The following OPCML variants were observed in gnomAD, a reference collection of about 807,000 sequenced individuals.
OPCML encodes the protein opioid binding protein/cell adhesion molecule like.
OPCML carries 13 observed loss-of-function variants against 37.8 expected under a neutral mutation model. The ratio of observed to expected loss-of-function variants is 0.34; its 90% CI spans 0.22 to 0.55. The LOEUF is 0.55. Among genes scored for constraint, OPCML ranks in the 20% least tolerant of loss-of-function variants. The pLI is 0.91. For synonymous variants in OPCML, 176 were observed against 168.8 expected (o/e 1.04, Z -0.33); for missense variants, 341 against 435.6 (o/e 0.78, Z 1.93).
intron 1 of OPCML, among the ~76,000 whole-genome samples, chr11:133,384,965 A>T (rs554564164): frequency 6.6e-6 from 1 of 152,246 alleles, no homozygotes; most frequent in South Asian, 2.1e-4. Context: ...GAGGCCGGCC[A>T]GATCCCAGGG....
At chr11:133,504,831 G>A (rs1292623397) in intron 1 of OPCML, among the ~76,000 whole-genome samples, 12 of 152,182 alleles carry the variant, frequency 7.9e-5, no homozygotes, top group African/African-American at 2.9e-4. Flanking sequence ...GCGCCACCAT[G>A]GAGACAAAAT....
In OPCML at chr11:132,943,207, C is replaced by T. The variant is rs1945646066; in HGVS notation, c.62-197G>A. ...GGAGGAGGGAAGGGGCAGAGTTCGCCAGGAGCAGGGGGAAGGAGAAGAGAG... is the reference window on the plus strand; with the variant it reads ...GGAGGAGGGAAGGGGCAGAGTTCGCTAGGAGCAGGGGGAAGGAGAAGAGAG... On this transcript the variant is annotated intron_variant, in intron 1 of 7. Transcript: ENST00000524381. The surrounding 1 kb of genome is among the most constrained non-coding windows in gnomAD (Gnocchi z 4.3). 1 of 1,508,074 alleles carries T rather than the reference C, an allele frequency of 6.6e-7. No individual in the cohort carries two copies. The highest frequency in any genetic ancestry group is 1.9e-5 in the Admixed American group (1 of 53,244). The allele number at this position is 1,508,074 out of a possible 1,614,324, so 93.4% of individuals were successfully genotyped here. A position where few individuals can be genotyped will look rare whatever the true frequency, so the allele number is the denominator to read the frequency against.
chr11:133,346,868 G>A (rs1944014455), intron 1 of OPCML, among the ~76,000 whole-genome samples: 1 of 152,130 alleles, frequency 6.6e-6, no homozygotes, highest in African/African-American at 2.4e-5. Context: ...TGTTGTTTCT[G>A]TGTGAGTTTT....
At chr11:132,753,901 T>C (rs1945936110) in intron 2 of OPCML, among the ~76,000 whole-genome samples, 1 of 152,228 alleles carries the variant, frequency 6.6e-6, no homozygotes, top group Admixed American at 6.5e-5. Context: ...TGGGATCTGT[T>C]ACCATCATGC....
At chr11:132,787,114 G>A (rs947704752) in intron 2 of OPCML, among the ~76,000 whole-genome samples, 2 of 152,138 alleles carry the variant, frequency 1.3e-5, no homozygotes, top group Admixed American at 6.5e-5. Flanking sequence ...TGATGCTGCC[G>A]GTTTGAGAAC....
chr11:133,351,821 C>A (rs575566476), intron 1 of OPCML, among the ~76,000 whole-genome samples: 6 of 152,120 alleles, frequency 3.9e-5, no homozygotes, highest in African/African-American at 1.4e-4. Flanking sequence ...CCATACCCCC[C>A]ACACAAACAA....
intron 1 of OPCML, among the ~76,000 whole-genome samples, chr11:133,493,457 T>A (rs1049920292): frequency 6.6e-6 from 1 of 152,094 alleles, no homozygotes; most frequent in Admixed American, 6.5e-5. Flanking sequence ...ACATGCATAC[T>A]TTTTTTTACA....
chr11:133,135,575 CT>C (rs1443624423), intron 1 of OPCML, among the ~76,000 whole-genome samples: 1 of 151,832 alleles, frequency 6.6e-6, no homozygotes, highest in Non-Finnish European at 1.5e-5. Context: ...GACCAACAAT[CT>C]CCCATAGATA....
intron 2 of OPCML, among the ~76,000 whole-genome samples, chr11:132,716,367 T>C (rs1018902534): frequency 2.0e-5 from 3 of 151,194 alleles, no homozygotes; most frequent in Non-Finnish European, 4.4e-5. Context: ...ATCTATCTGT[T>C]GTCTGTCTGT....
intron 4 of OPCML, among the ~76,000 whole-genome samples, chr11:132,519,887 C>T (rs948311571): frequency 2.6e-5 from 4 of 152,182 alleles, no homozygotes; most frequent in Non-Finnish European, 4.4e-5. Context: ...GATGATGCAG[C>T]AGGTCAACTA....
intron 1 of OPCML, among the ~76,000 whole-genome samples, chr11:133,244,701 ACTCT>A (rs34434286): frequency 6.6e-6 from 1 of 150,998 alleles, no homozygotes; most frequent in Non-Finnish European, 1.5e-5. Flanking sequence ...TTGCTCACTC[ACTCT>A]CTCTCTCCTG....
At chr11:133,479,617 C>A (rs1947330522) in intron 1 of OPCML, among the ~76,000 whole-genome samples, 1 of 152,190 alleles carries the variant, frequency 6.6e-6, no homozygotes, top group Non-Finnish European at 1.5e-5. Flanking sequence ...AGGAATCCTA[C>A]AGTGACTCAG....
intron 1 of OPCML, among the ~76,000 whole-genome samples, chr11:133,428,658 A>G (rs1053998519): frequency 2.0e-5 from 3 of 152,212 alleles, no homozygotes; most frequent in East Asian, 3.8e-4. Flanking sequence ...AAAATATACA[A>G]TCACAAAACC....
chr11:133,114,280 C>A (rs1949298911), intron 1 of OPCML, among the ~76,000 whole-genome samples: 1 of 152,174 alleles, frequency 6.6e-6, no homozygotes, highest in African/African-American at 2.4e-5. Context: ...TATGGTCTTC[C>A]CCATCCCAGT....
intron 2 of OPCML, among the ~76,000 whole-genome samples, chr11:132,663,881 T>G (rs1011866830): frequency 1.3e-5 from 2 of 152,154 alleles, no homozygotes; most frequent in African/African-American, 4.8e-5. Context: ...CGCCCAGGCT[T>G]GAGTGCAGTG....
chr11:132,754,160 G>T (rs67017722), intron 2 of OPCML, among the ~76,000 whole-genome samples: 7,917 of 152,244 alleles, frequency 0.052, 292 homozygotes, highest in Non-Finnish European at 0.077. Context: ...CCAACAGTAA[G>T]AGGTGTTTCA....
At chr11:133,004,506 C>T in intron 1 of OPCML, 1 of 985,432 alleles carries the variant, frequency 1.0e-6, no homozygotes, top group Non-Finnish European at 1.2e-6. Context: ...ATGCCCTCTG[C>T]AGACGACCGA....
At chr11:132,579,300 A>T (rs997020990) in intron 3 of OPCML, among the ~76,000 whole-genome samples, 1 of 152,080 alleles carries the variant, frequency 6.6e-6, no homozygotes, top group Non-Finnish European at 1.5e-5. Context: ...CACCAATTGC[A>T]AATTCACACG....
intron 1 of OPCML, among the ~76,000 whole-genome samples, chr11:133,379,086 T>G (rs1024226165): frequency 1.3e-5 from 2 of 152,108 alleles, no homozygotes; most frequent in Non-Finnish European, 2.9e-5. Flanking sequence ...TCCTGCCTTG[T>G]ATTTCACCAT....
Sources: gnomAD v4.1 joint callset for allele counts (sites outside exome capture counted in the v4.1 genomes callset) on GRCh38, gnomAD v4.1.1 for gene constraint, Gnocchi (gnomAD v3.1) non-coding constraint, MANE v1.5 for transcripts, NCBI Gene and HGNC (gene_info 2026-07-23, HGNC 2026-07-21) for gene names.